The following CCDC85A variants were observed in gnomAD, a reference collection of about 807,000 sequenced individuals.
The protein encoded by CCDC85A is coiled-coil domain containing 85A.
A neutral mutation model predicts 50.2 loss-of-function variants in CCDC85A; 38 were observed. That is an observed-to-expected ratio of 0.76 (90% CI 0.58 to 0.99). The LOEUF is 0.99. Ranked by LOEUF, CCDC85A falls within the 50% of genes least tolerant of loss-of-function variation. The probability of loss-of-function intolerance (pLI) is 0.00; values close to 1 mark genes in which losing one functional copy is unlikely to be tolerated. For synonymous variants in CCDC85A, 366 were observed against 301.4 expected, an observed-to-expected ratio of 1.21 and a Z score of -2.22; for missense variants, 820 against 742.0, an observed-to-expected ratio of 1.11 and a Z score of -1.22.
chr2:56,341,330 A>C (rs1674359378), intron 2 of CCDC85A, among the ~76,000 whole-genome samples: 1 of 152,006 alleles, frequency 6.6e-6, no homozygotes, highest in Non-Finnish European at 1.5e-5. Flanking sequence ...ACTGCAACTA[A>C]TTATTATTTT....
chr2:56,267,035 CT>C (rs565901601), intron 2 of CCDC85A, among the ~76,000 whole-genome samples: 8 of 148,892 alleles, frequency 5.4e-5, no homozygotes, highest in South Asian at 2.1e-4. Flanking sequence ...ACAGCTTTAG[CT>C]TTTTTTTTTC....
chr2:56,201,266 A>C (rs879524314), intron 2 of CCDC85A, among the ~76,000 whole-genome samples: 4 of 152,160 alleles, frequency 2.6e-5, no homozygotes, highest in Non-Finnish European at 5.9e-5. Flanking sequence ...GTCCTTTAAA[A>C]ATTTTAAAAC....
At chr2:56,255,085 A>C (rs1167704731) in intron 2 of CCDC85A, among the ~76,000 whole-genome samples, 1 of 152,134 alleles carries the variant, frequency 6.6e-6, no homozygotes, top group South Asian at 2.1e-4. Context: ...AGGAGAAAAC[A>C]TGGACTTATC....
At chr2:56,255,056 A>T (rs1438105776) in intron 2 of CCDC85A, among the ~76,000 whole-genome samples, 3 of 152,070 alleles carry the variant, frequency 2.0e-5, no homozygotes, top group Non-Finnish European at 1.5e-5. Flanking sequence ...CTCTCTGAGC[A>T]TTGCTGTTGG....
At chr2:56,228,138 G>C (rs1282615589) in intron 2 of CCDC85A, among the ~76,000 whole-genome samples, 1 of 152,160 alleles carries the variant, frequency 6.6e-6, no homozygotes, top group African/African-American at 2.4e-5. Flanking sequence ...AAGTCAGCCA[G>C]TCCAGCATTA....
At chr2:56,250,364 T>C (rs1305003451) in intron 2 of CCDC85A, among the ~76,000 whole-genome samples, 1 of 152,166 alleles carries the variant, frequency 6.6e-6, no homozygotes, top group Non-Finnish European at 1.5e-5. Flanking sequence ...CTCTGCAACC[T>C]TTGGAAAATA....
At chr2:56,245,275 C>T (rs932968684) in intron 2 of CCDC85A, among the ~76,000 whole-genome samples, 1 of 152,204 alleles carries the variant, frequency 6.6e-6, no homozygotes, top group African/African-American at 2.4e-5. Context: ...CCCTTCTTTC[C>T]AGGGCTGGTC....
intron 2 of CCDC85A, among the ~76,000 whole-genome samples, chr2:56,309,218 A>G (rs1229674261): frequency 6.6e-6 from 1 of 152,186 alleles, no homozygotes; most frequent in African/African-American, 2.4e-5. Flanking sequence ...GGAGAAAATA[A>G]TCAATTTATG....
intron 1 of CCDC85A, among the ~76,000 whole-genome samples, chr2:56,186,766 TG>T (rs1457608393): frequency 7.9e-5 from 12 of 151,960 alleles, no homozygotes; most frequent in Admixed American, 2.0e-4. Context: ...AATGGTAGAG[TG>T]GGTTGGTAGA....
chr2:56,377,051 G>C (rs1676369338), intron 5 of CCDC85A, among the ~76,000 whole-genome samples: 1 of 152,162 alleles, frequency 6.6e-6, no homozygotes, highest in Non-Finnish European at 1.5e-5. Context: ...AGGATATTTT[G>C]CTTTAGCTTA....
chr2:56,372,137 C>T (rs560010042), intron 3 of CCDC85A, among the ~76,000 whole-genome samples: 90 of 152,212 alleles, frequency 5.9e-4, no homozygotes, highest in African/African-American at 2.1e-3. Context: ...TATATGTTTA[C>T]CAGAAACTTA....
intron 2 of CCDC85A, among the ~76,000 whole-genome samples, chr2:56,290,448 G>C (rs1051070750): frequency 1.3e-5 from 2 of 152,042 alleles, no homozygotes; most frequent in Non-Finnish European, 1.5e-5. Context: ...GCCTGATTCT[G>C]TGCCCCTCTA....
chr2:56,237,234 C>T (rs1669059508), intron 2 of CCDC85A, among the ~76,000 whole-genome samples: 1 of 152,100 alleles, frequency 6.6e-6, no homozygotes, highest in Admixed American at 6.5e-5. Context: ...GTCAGATATC[C>T]TCTTTAGATT....
At chr2:56,303,254 C>T (rs150963622) in intron 2 of CCDC85A, among the ~76,000 whole-genome samples, 211 of 152,060 alleles carry the variant, frequency 1.4e-3, no homozygotes, top group African/African-American at 4.7e-3. Context: ...AGTCATGGCA[C>T]GTAGTAAATA....
chr2:56,269,852 C>T (rs917744588), intron 2 of CCDC85A, among the ~76,000 whole-genome samples: 1 of 152,178 alleles, frequency 6.6e-6, no homozygotes, highest in East Asian at 1.9e-4. Context: ...TGATCCATTT[C>T]GAAAAATAGC....
At chr2:56,326,916 A>G (rs143650972) in intron 2 of CCDC85A, among the ~76,000 whole-genome samples, 68 of 152,178 alleles carry the variant, frequency 4.5e-4, no homozygotes, top group African/African-American at 1.6e-3. Context: ...AGAAATCTTT[A>G]AGGAAGTACT....
intron 2 of CCDC85A, among the ~76,000 whole-genome samples, chr2:56,260,695 C>G (rs532609331): frequency 3.9e-5 from 6 of 152,286 alleles, no homozygotes; most frequent in South Asian, 4.1e-4. Context: ...TGGCATAAAC[C>G]TCACTGGCTG....
intron 2 of CCDC85A, among the ~76,000 whole-genome samples, chr2:56,294,306 G>C (rs1217655497): frequency 6.6e-6 from 1 of 152,180 alleles, no homozygotes; most frequent in East Asian, 1.9e-4. Flanking sequence ...AGGGGAAGGA[G>C]AGCATCAAGA....
At chr2:56,318,268 T>G (rs1208576626) in intron 2 of CCDC85A, among the ~76,000 whole-genome samples, 1 of 152,024 alleles carries the variant, frequency 6.6e-6, no homozygotes, top group Non-Finnish European at 1.5e-5. Context: ...TTTCTCTGCT[T>G]GTTTCATAGG....
Sources: allele counts gnomAD v4.1 joint callset (sites outside exome capture counted in the v4.1 genomes callset), GRCh38; gene constraint gnomAD v4.1.1; transcripts MANE v1.5; gene names NCBI Gene and HGNC (gene_info 2026-07-23, HGNC 2026-07-21).